Variants in PXT1 observed in about 807,000 individuals in gnomAD.
PXT1 encodes the protein peroxisomal testis-specific protein 1.
In PXT1, 11 loss-of-function variants were observed where a neutral mutation model predicts 11.0. The ratio of observed to expected loss-of-function variants is 1.00; its 90% CI spans 0.63 to 1.66. The LOEUF is 1.66. PXT1 is among the 40% of genes most tolerant of loss of function. The pLI is 0.00. For missense variants in PXT1, 141 were observed against 155.5 expected, an observed-to-expected ratio of 0.91 and a Z score of 0.49; for synonymous variants, 43 against 51.4, an observed-to-expected ratio of 0.84 and a Z score of 0.70.
At chr6:36,417,426 C>T (rs545282053) in intron 3 of PXT1, among the ~76,000 whole-genome samples, 1 of 151,846 alleles carries the variant, frequency 6.6e-6, no homozygotes, top group Non-Finnish European at 1.5e-5. Context: ...TGCCATGTCA[C>T]GGAGTCAATG....
At chr6:36,429,664 C>A (rs1191284546) in intron 2 of PXT1, among the ~76,000 whole-genome samples, 1 of 150,818 alleles carries the variant, frequency 6.6e-6, no homozygotes, top group Non-Finnish European at 1.5e-5. Flanking sequence ...CACCACCATG[C>A]CTGGCTAATT....
intron 3 of PXT1, among the ~76,000 whole-genome samples, chr6:36,417,380 G>A (rs1327908860): frequency 2.0e-5 from 3 of 151,800 alleles, no homozygotes; most frequent in African/African-American, 7.3e-5. Context: ...TCAAATATGA[G>A]AAAAAGAGAG....
At chr6:36,400,115 T>C (rs563245169) in intron 4 of PXT1, among the ~76,000 whole-genome samples, 2 of 152,348 alleles carry the variant, frequency 1.3e-5, no homozygotes, top group East Asian at 3.9e-4. Context: ...TACACTTCAA[T>C]GTGCACACAA....
At chr6:36,397,063 G>C (rs545563097) in intron 4 of PXT1, among the ~76,000 whole-genome samples, 1 of 152,294 alleles carries the variant, frequency 6.6e-6, no homozygotes, top group East Asian at 1.9e-4. Flanking sequence ...ACCCACTGCG[G>C]ATCTCCTCTG....
chr6:36,421,689 C>CAA (rs1392948628), intron 3 of PXT1, among the ~76,000 whole-genome samples: 1 of 152,170 alleles, frequency 6.6e-6, no homozygotes, highest in Non-Finnish European at 1.5e-5. Flanking sequence ...AGGCTGATCT[C>CAA]AAACTCCTGG....
chr6:36,431,813 G>A (rs372714576), intron 2 of PXT1, among the ~76,000 whole-genome samples: 30 of 152,248 alleles, frequency 2.0e-4, no homozygotes, highest in Admixed American at 1.8e-3. Context: ...GCTTATGCCT[G>A]TAATCCTAGC....
At chr6:36,412,658 CAAA>C (rs70975156) in intron 3 of PXT1, among the ~76,000 whole-genome samples, 1 of 145,986 alleles carries the variant, frequency 6.8e-6, no homozygotes, top group Non-Finnish European at 1.5e-5. Context: ...GACTCCGTCT[CAAA>C]AAAAAAAAAA....
At chr6:36,415,160 C>T (rs987137808) in intron 3 of PXT1, among the ~76,000 whole-genome samples, 6 of 152,154 alleles carry the variant, frequency 3.9e-5, no homozygotes, top group Admixed American at 6.6e-5. Flanking sequence ...AAAGAATTGC[C>T]GGCCAGGCGC....
chr6:36,426,218 G>C, intron 2 of PXT1, 127 bp from the exon 3 acceptor site: 1 of 625,122 alleles, frequency 1.6e-6, no homozygotes, highest in East Asian at 3.1e-5. Flanking sequence ...TTATGGATTG[G>C]GGTAGAAGGT....
intron 1 of PXT1, among the ~76,000 whole-genome samples, chr6:36,439,376 C>T (rs867179018): frequency 1.8e-4 from 27 of 151,268 alleles, no homozygotes; most frequent in South Asian, 8.4e-4. Context: ...CTTTGGGAGG[C>T]GGAGGCGGGT....
At chr6:36,411,895 C>A (rs1775215587) in intron 3 of PXT1, among the ~76,000 whole-genome samples, 2 of 152,048 alleles carry the variant, frequency 1.3e-5, no homozygotes, top group Admixed American at 6.5e-5. Flanking sequence ...CTGCACTGAG[C>A]CAAGATCTTG....
At chr6:36,438,086 C>T (rs1774793991) in intron 2 of PXT1, among the ~76,000 whole-genome samples, 1 of 152,064 alleles carries the variant, frequency 6.6e-6, no homozygotes, top group Admixed American at 6.6e-5. Flanking sequence ...TCCCAAAGTG[C>T]TGGGATTATA....
At chr6:36,392,582 G>A (rs754175326) in intron 4 of PXT1, among the ~76,000 whole-genome samples, 70 of 152,158 alleles carry the variant, frequency 4.6e-4, no homozygotes, top group Non-Finnish European at 4.6e-4. Context: ...GATCACCTGA[G>A]CCTGGGAAGT....
chr6:36,432,539 A>C (rs550288282), intron 2 of PXT1, among the ~76,000 whole-genome samples: 1 of 152,276 alleles, frequency 6.6e-6, no homozygotes, highest in East Asian at 1.9e-4. Context: ...CTTAGAGAAG[A>C]AGAAAACAAG....
intron 2 of PXT1, among the ~76,000 whole-genome samples, chr6:36,428,633 G>A (rs1370053456): frequency 6.6e-6 from 1 of 152,068 alleles, no homozygotes. Context: ...AAGAATGTTG[G>A]ATTTTATTTT....
chr6:36,398,485 C>T (rs1456000943), intron 4 of PXT1, among the ~76,000 whole-genome samples: 4 of 152,150 alleles, frequency 2.6e-5, no homozygotes, highest in African/African-American at 9.7e-5. Context: ...AATGTCCAAC[C>T]ACTGGTGAAT....
chr6:36,397,736 T>C (rs890568210), intron 4 of PXT1, among the ~76,000 whole-genome samples: 2 of 152,026 alleles, frequency 1.3e-5, no homozygotes, highest in African/African-American at 4.8e-5. Flanking sequence ...ATATATCTGA[T>C]AAGGAACTTA....
rs541143687 is a variant in PXT1 at position 36,426,614 on chromosome 6, C to T, written c.-9-523G>A. Among the ~76,000 whole-genome samples the T allele has an allele frequency of 1.9e-4, 29 of 152,264 alleles. No individual in the cohort carries two copies. The East Asian group carries it at 1.9e-3, about 10-fold the overall frequency. On this transcript the variant is annotated intron_variant, in intron 2 of 4. Coordinates refer to ENST00000454782, the MANE Select transcript of PXT1 (RefSeq NM_152990.4). ...CAAACTCCTGACCTCAGGTGATCCG[C>T]CTGCCTCAGCCTCCCAAAGTGTTGG...
intron 3 of PXT1, among the ~76,000 whole-genome samples, chr6:36,404,221 A>T (rs1774255987): frequency 6.6e-6 from 1 of 152,224 alleles, no homozygotes; most frequent in Admixed American, 6.5e-5. Flanking sequence ...GGGCACTGTT[A>T]CTTGGTTAAC....
Sources: gnomAD v4.1 joint callset for allele counts (sites outside exome capture counted in the v4.1 genomes callset) on GRCh38, gnomAD v4.1.1 for gene constraint, MANE v1.5 for transcripts, NCBI Gene and HGNC (gene_info 2026-07-23, HGNC 2026-07-21) for gene names.